Variants in MAP1B observed in about 807,000 individuals in gnomAD.
The protein encoded by MAP1B is microtubule associated protein 1B.
In MAP1B, 12 loss-of-function variants were observed where a neutral mutation model predicts 176.1. That is an observed-to-expected ratio of 0.07 (90% confidence interval 0.04 to 0.11). The LOEUF is 0.11. MAP1B is among the 10% of genes least tolerant of loss of function. MAP1B has a pLI of 1.00. For synonymous variants in MAP1B, 1,044 were observed against 1,135.0 expected (o/e 0.92, Z 1.61); for missense variants, 2,523 against 2,990.5 (o/e 0.84, Z 3.65).
chr5:72,196,125 G>A lies in MAP1B; in HGVS notation c.2770G>A (p.Glu924Lys). The A allele has an allele frequency of 6.2e-7, 1 of 1,613,714 alleles. No homozygotes were observed. The highest frequency in any genetic ancestry group is 8.5e-7 in the Non-Finnish European group (1 of 1,179,944). ...PVEKQGVDDI[E>K]KFEDEGAGFE... is the part of the protein sequence containing the mutation. Reference sequence around the variant, plus strand: ...CGAGAAGCAGGGAGTAGACGACATTGAAAAATTTGAAGATGAAGGAGCCGG... The same window carrying A: ...CGAGAAGCAGGGAGTAGACGACATTAAAAAATTTGAAGATGAAGGAGCCGG... Residue 924 changes from glutamate (E) to lysine (K), a missense_variant, in exon 5 of 7, where the codon GAA (glutamate) becomes AAA (lysine). Coordinates refer to ENST00000296755, the MANE Select transcript of MAP1B (RefSeq NM_005909.5). This position sits in a 1 kb window ranked among gnomAD's most constrained non-coding sequence, Gnocchi z 5.3.
chr5:72,179,219 T>C (rs1267641994), intron 2 of MAP1B, among the ~76,000 whole-genome samples: 1 of 152,194 alleles, frequency 6.6e-6, no homozygotes, highest in Non-Finnish European at 1.5e-5. Context: ...CTTTTTCTTA[T>C]GAAGCGATAA....
At position 72,198,377 on chromosome 5, in the gene MAP1B, A is replaced by G. The variant is rs1747236364; in HGVS notation, c.5022A>G (p.Ala1674=). The G allele has an allele frequency of 1.2e-6, 2 of 1,614,154 alleles. No individual in the cohort carries two copies. Among genetic ancestry groups the G allele is most frequent in the Non-Finnish European group, 1.7e-6 (2 of 1,180,000 alleles). ...CTCCAGATCACCCTACAGTGGGTGC[A>G]GGCGTGCTTCACATCACTGAAAATG... The part of the protein sequence containing the change: ...RQSPDHPTVG[A]GVLHITENGP... The change falls in exon 5 of 7, where the codon GCA becomes GCG. Residue 1674 remains alanine (A), a synonymous_variant. Coordinates refer to ENST00000296755, the MANE Select transcript of MAP1B (RefSeq NM_005909.5).
intron 2 of MAP1B, among the ~76,000 whole-genome samples, chr5:72,126,422 A>G (rs1170645988): frequency 6.6e-6 from 1 of 152,182 alleles, no homozygotes; most frequent in Non-Finnish European, 1.5e-5. Context: ...TACTCCATCT[A>G]ATTTTTTGAG....
At chr5:72,152,751 C>G (rs563166125) in intron 2 of MAP1B, among the ~76,000 whole-genome samples, 21 of 152,156 alleles carry the variant, frequency 1.4e-4, no homozygotes, top group Non-Finnish European at 2.4e-4. Flanking sequence ...ATTTTTATAG[C>G]ATTTCTTATA....
Position 72,196,413 on chromosome 5 carries a change from G to A in MAP1B, c.3058G>A (p.Ala1020Thr), listed in dbSNP as rs1218685733. 2.5e-6 allele frequency: 4 copies of A among 1,613,824 alleles called. No individual in the cohort carries two copies. The Admixed American group carries it at 5.0e-5, about 20-fold the overall frequency. The stretch of plus-strand genomic sequence containing the variant: ...AGAGGCTGAACAATCTGAAGAGGAG[G>A]CTGATGAGGAGGACAAAGCTGAAGA... Reference protein sequence around the residue: ...KGEAEQSEEEADEEDKAEDAR... With the variant: ...KGEAEQSEEETDEEDKAEDAR... The change falls in exon 5 of 7, where the codon GCT (alanine) becomes ACT (threonine). Residue 1020 changes from alanine (A) to threonine (T), a missense_variant. Ala to Thr is a moderately conservative substitution (Grantham distance 58, BLOSUM62 0). This residue lies in a region of MAP1B where 1,925 missense variants were observed against 2,126.0 expected (regional missense o/e 0.91). Transcript: ENST00000296755. This position sits in a 1 kb window ranked among gnomAD's most constrained non-coding sequence, Gnocchi z 5.3.
At chr5:72,147,915 A>G (rs370711293) in intron 2 of MAP1B, among the ~76,000 whole-genome samples, 21 of 152,162 alleles carry the variant, frequency 1.4e-4, no homozygotes, top group African/African-American at 5.1e-4. Flanking sequence ...GTTAACATGA[A>G]AATTAAAAGG....
In MAP1B at chr5:72,194,349, G is replaced by A. The variant is rs142915929; in HGVS notation, c.994G>A (p.Glu332Lys). Residue 332 changes from glutamate (E) to lysine (K), a missense_variant, in exon 5 of 7, where the codon GAG becomes AAG. Transcript: ENST00000296755. This position sits in a 1 kb window ranked among gnomAD's most constrained non-coding sequence, Gnocchi z 7.2. Reference protein sequence around the residue: ...SMLQRKIAELEEEQSQGSTTN... With the variant: ...SMLQRKIAELKEEQSQGSTTN... ...GTTACAGCGGAAAATTGCAGAGCTC[G>A]AGGAAGAACAGTCCCAGGGCTCCAC... 3 of 1,614,050 alleles carry A rather than the reference G, an allele frequency of 1.9e-6. No individual in the cohort carries two copies. The highest frequency in any genetic ancestry group is 2.2e-5 in the East Asian group (1 of 44,892).
At chr5:72,129,126 G>A (rs994705910) in intron 2 of MAP1B, among the ~76,000 whole-genome samples, 19 of 152,178 alleles carry the variant, frequency 1.2e-4, no homozygotes, top group African/African-American at 3.9e-4. Flanking sequence ...TAGATCCTAG[G>A]AAGAGACAAG....
chr5:72,175,626 AT>A (rs1746637886), intron 2 of MAP1B, among the ~76,000 whole-genome samples: 1 of 152,174 alleles, frequency 6.6e-6, no homozygotes, highest in Admixed American at 6.5e-5. Context: ...TGCCTTGAGA[AT>A]TTTTAATAGG....
chr5:72,112,964 C>T (rs1236553761), intron 1 of MAP1B, among the ~76,000 whole-genome samples: 2 of 152,154 alleles, frequency 1.3e-5, no homozygotes, highest in African/African-American at 4.8e-5. Context: ...GGATGCCCTC[C>T]AGCCAGATTC....
chr5:72,108,973 C>T (rs933870467), intron 1 of MAP1B, among the ~76,000 whole-genome samples: 6 of 152,196 alleles, frequency 3.9e-5, no homozygotes, highest in Non-Finnish European at 8.8e-5. Context: ...GGTTGGTGGG[C>T]GTGGTGCAGT....
At chr5:72,202,637 C>G (rs1405729979) in intron 5 of MAP1B, among the ~76,000 whole-genome samples, 1 of 152,126 alleles carries the variant, frequency 6.6e-6, no homozygotes, top group East Asian at 1.9e-4. Context: ...AGTTCCAGGC[C>G]CCAACCCAAG....
At chr5:72,140,507 G>A (rs1347120880) in intron 2 of MAP1B, among the ~76,000 whole-genome samples, 1 of 152,142 alleles carries the variant, frequency 6.6e-6, no homozygotes. Flanking sequence ...GAAGAGGTGC[G>A]CATAAGGGAG....
chr5:72,145,142 A>G (rs1746021858), intron 2 of MAP1B, among the ~76,000 whole-genome samples: 1 of 152,172 alleles, frequency 6.6e-6, no homozygotes, highest in Non-Finnish European at 1.5e-5. Context: ...TGTTCCCTGG[A>G]CTGTTGAAAG....
Position 72,198,495 on chromosome 5 carries a change from G to T in MAP1B, c.5140G>T (p.Asp1714Tyr), listed in dbSNP as rs371216590. 2.5e-6 allele frequency: 4 copies of T among 1,613,820 alleles called. No homozygotes were observed. Among genetic ancestry groups the T allele is most frequent in the Non-Finnish European group, 3.4e-6 (4 of 1,180,048 alleles). The change falls in exon 5 of 7, where the codon GAT becomes TAT. Residue 1714 changes from aspartate (D) to tyrosine (Y), a missense_variant. By Grantham distance (160) the Asp-to-Tyr change is radical. This residue lies in a region of MAP1B where 1,925 missense variants were observed against 2,126.0 expected (regional missense o/e 0.91). Coordinates refer to ENST00000296755, the MANE Select transcript of MAP1B (RefSeq NM_005909.5). The part of the protein sequence containing the change: ...PPMEEPSYTQ[D>Y]NDLSELISVS... ...TATGGAGGAGCCGTCCTACACCCAA[G>T]ATAATGATCTTTCTGAGCTCATCTC...
At chr5:72,126,225 A>G (rs1745627365) in intron 2 of MAP1B, among the ~76,000 whole-genome samples, 1 of 152,124 alleles carries the variant, frequency 6.6e-6, no homozygotes, top group East Asian at 1.9e-4. Flanking sequence ...TCTGGGCCAC[A>G]CCTGAGAGCA....
intron 2 of MAP1B, among the ~76,000 whole-genome samples, chr5:72,163,245 A>AAAG (rs1450650954): frequency 6.6e-6 from 1 of 151,370 alleles, no homozygotes; most frequent in African/African-American, 2.4e-5. Context: ...AAAAAAAAAA[A>AAAG]AAAGAAAGAA....
chr5:72,153,047 A>G (rs367614765), intron 2 of MAP1B, among the ~76,000 whole-genome samples: 58 of 152,278 alleles, frequency 3.8e-4, no homozygotes, highest in African/African-American at 1.3e-3. Flanking sequence ...TTAGTCAGGA[A>G]ATTGCACCAT....
intron 2 of MAP1B, among the ~76,000 whole-genome samples, chr5:72,128,444 A>AAAAAAG (rs1336315400): frequency 1.3e-5 from 2 of 151,950 alleles, no homozygotes; most frequent in Non-Finnish European, 2.9e-5. Context: ...TGCTACAGAG[A>AAAAAAG]AAAAAGAAAG....
Sources: gnomAD v4.1 joint callset for allele counts (sites outside exome capture counted in the v4.1 genomes callset) on GRCh38, gnomAD v4.1.1 for gene constraint, gnomAD v4.1.1 regional missense constraint, Gnocchi (gnomAD v3.1) non-coding constraint, MANE v1.5 for transcripts, NCBI Gene and HGNC (gene_info 2026-07-23, HGNC 2026-07-21) for gene names.